ULK4: variants seen among roughly 807,000 people sequenced by gnomAD.
The protein encoded by ULK4 is unc-51 like kinase 4, also known as inactive serine/threonine-protein kinase ULK4.
ULK4 carries 133 observed loss-of-function variants against 160.6 expected under a neutral mutation model. The ratio of observed to expected loss-of-function variants is 0.83; its 90% CI spans 0.72 to 0.96. The LOEUF is 0.96. Ranked by LOEUF, ULK4 falls within the 40% of genes least tolerant of loss-of-function variation. ULK4 has a pLI of 0.00. For synonymous variants in ULK4, 534 were observed against 539.8 expected (o/e 0.99, Z 0.15); for missense variants, 1,580 against 1,499.5 (o/e 1.05, Z -0.89).
At chr3:41,896,381 A>G (rs1698157717) in intron 15 of ULK4, among the ~76,000 whole-genome samples, 1 of 152,012 alleles carries the variant, frequency 6.6e-6, no homozygotes, top group Non-Finnish European at 1.5e-5. Flanking sequence ...CAGCCTCCCA[A>G]GTAGCTGGGA....
intron 35 of ULK4, chr3:41,258,243 A>T (rs1032421104): frequency 6.6e-6 from 1 of 152,232 alleles, no homozygotes; most frequent in African/African-American, 2.4e-5. Context: ...CTCAAAAGTC[A>T]TCCCACCTAC....
intron 18 of ULK4, among the ~76,000 whole-genome samples, chr3:41,834,989 A>G (rs1456535762): frequency 2.6e-5 from 4 of 152,244 alleles, no homozygotes; most frequent in African/African-American, 9.6e-5. Flanking sequence ...TAAATATCAT[A>G]AAGATATCAG....
At chr3:41,638,471 C>T (rs561499583) in intron 30 of ULK4, among the ~76,000 whole-genome samples, 3 of 152,242 alleles carry the variant, frequency 2.0e-5, no homozygotes, top group Admixed American at 2.0e-4. Flanking sequence ...AAAGTGTCAC[C>T]GAGGCATTGG....
In ULK4 at chr3:41,438,749, C is replaced by T. The variant is rs550182291; in HGVS notation, c.3492+16748G>A. On this transcript the variant is annotated intron_variant, in intron 34 of 36. Coordinates refer to ENST00000301831, the MANE Select transcript of ULK4 (RefSeq NM_017886.4). ...GACTGAGGTGGGAGGATCACTTGAG[C>T]TCAGGAGTTCGAGGCTGCCATGAGC... 2.0e-5 allele frequency among the ~76,000 whole-genome samples: 3 copies of T among 152,164 alleles called. No homozygotes were observed. In the East Asian group the frequency reaches 5.8e-4, roughly 29 times the overall value.
chr3:41,783,308 G>A (rs2039909753), intron 21 of ULK4, among the ~76,000 whole-genome samples: 1 of 151,908 alleles, frequency 6.6e-6, no homozygotes, highest in Non-Finnish European at 1.5e-5. Flanking sequence ...AGGCTGGGGA[G>A]GGCCGACTGC....
Position 41,754,387 on chromosome 3 carries a change from C to G in ULK4, c.2295G>C (p.Glu765Asp). The part of the protein sequence containing the change: ...VLLYILIYNR[E>D]MLLLSCQARL... ...TTGCTTGGCAACTGAGCAGCAACAT[C>G]TCACGGTTATAAATCAAAATATATA... The change falls in exon 22 of 37, where the codon GAG becomes GAC. Residue 765 changes from glutamate to aspartate, a missense_variant. Transcript: ENST00000301831. 6.2e-7 allele frequency: 1 copy of G among 1,612,408 alleles called. No homozygotes were observed. The highest frequency in any genetic ancestry group is 1.1e-5 in the South Asian group (1 of 90,518).
At chr3:41,439,037 C>A (rs1459044532) in intron 34 of ULK4, among the ~76,000 whole-genome samples, 6 of 150,520 alleles carry the variant, frequency 4.0e-5, no homozygotes. Flanking sequence ...GACTATCAAT[C>A]CAGGTGTGGC....
intron 19 of ULK4, among the ~76,000 whole-genome samples, chr3:41,815,303 G>A (rs931800123): frequency 1.3e-5 from 2 of 151,988 alleles, no homozygotes; most frequent in African/African-American, 4.8e-5. Flanking sequence ...ATCATATTTT[G>A]TGCTATTTGT....
chr3:41,704,917 C>T, intron 27 of ULK4, 140 bp downstream of exon 27: 2 of 574,984 alleles, frequency 3.5e-6, no homozygotes, highest in East Asian at 3.0e-5. Context: ...TATGTTCATC[C>T]TGCCAGGGTA....
chr3:41,893,261 T>C (rs1698032717), intron 16 of ULK4, among the ~76,000 whole-genome samples: 2 of 152,216 alleles, frequency 1.3e-5, no homozygotes, highest in African/African-American at 4.8e-5. Flanking sequence ...TGCCATTATA[T>C]ACATAAAAAT....
At chr3:41,493,134 A>G (rs2084852865) in intron 32 of ULK4, among the ~76,000 whole-genome samples, 1 of 132,438 alleles carries the variant, frequency 7.6e-6, no homozygotes, top group African/African-American at 2.8e-5. Flanking sequence ...CATTTTTTTC[A>G]GTACCACACC....
At chr3:41,453,633 TGTTA>T (rs1366474303) in intron 34 of ULK4, among the ~76,000 whole-genome samples, 1 of 152,204 alleles carries the variant, frequency 6.6e-6, no homozygotes, top group Non-Finnish European at 1.5e-5. Context: ...TAACAAATAT[TGTTA>T]GTTAATATCT....
intron 31 of ULK4, among the ~76,000 whole-genome samples, chr3:41,567,610 C>G (rs2087827894): frequency 6.6e-6 from 1 of 151,866 alleles, no homozygotes; most frequent in African/African-American, 2.4e-5. Flanking sequence ...TCATACCCGG[C>G]TAATTTTTTG....
chr3:41,883,736 G>GT (rs1697608408), intron 17 of ULK4, 138 bp downstream of exon 17: 5 of 789,044 alleles, frequency 6.3e-6, no homozygotes, highest in East Asian at 2.6e-5. Flanking sequence ...GTCTGTTGAG[G>GT]TAACAGTTTT....
At chr3:41,470,035 A>AC (rs2083942647) in intron 32 of ULK4, among the ~76,000 whole-genome samples, 3 of 148,786 alleles carry the variant, frequency 2.0e-5, no homozygotes, top group South Asian at 2.1e-4. Context: ...AAAAAAAAAA[A>AC]AAAAAAAAAA....
intron 1 of ULK4, among the ~76,000 whole-genome samples, chr3:41,956,099 C>A (rs150989204): frequency 6.6e-6 from 1 of 152,298 alleles, no homozygotes; most frequent in Non-Finnish European, 1.5e-5. Context: ...AAATCCCCCA[C>A]CTTTTCTATG....
rs1230734805 is a variant in ULK4, at chr3:41,775,995, T to A, written c.2193+13666A>T. Among the ~76,000 whole-genome samples the A allele has an allele frequency of 1.3e-5, 2 of 150,966 alleles. 1 individual carries two copies. Among genetic ancestry groups the A allele is most frequent in the African/African-American group, 5.0e-5 (2 of 40,286 alleles). ...CTGTGATAAATAATTTTTCCAAATT[T>A]CTTTGTACACATGTATTTTTTGGCT... On this transcript the variant is annotated intron_variant, in intron 21 of 36. Coordinates refer to ENST00000301831, the MANE Select transcript of ULK4 (RefSeq NM_017886.4).
At chr3:41,886,330 C>T (rs1027653936) in intron 16 of ULK4, among the ~76,000 whole-genome samples, 17 of 152,238 alleles carry the variant, frequency 1.1e-4, no homozygotes, top group African/African-American at 4.1e-4. Context: ...TCCATGAAGG[C>T]AGGGCTGTAT....
chr3:41,698,276 C>T (rs1479960828), intron 27 of ULK4, among the ~76,000 whole-genome samples: 1 of 152,186 alleles, frequency 6.6e-6, no homozygotes, highest in Non-Finnish European at 1.5e-5. Context: ...ATCTGAAATG[C>T]TCTAAAATTT....
Sources: gnomAD v4.1 joint callset for allele counts (sites outside exome capture counted in the v4.1 genomes callset) on GRCh38, gnomAD v4.1.1 for gene constraint, MANE v1.5 for transcripts, NCBI Gene and HGNC (gene_info 2026-07-23, HGNC 2026-07-21) for gene names.